The following CIC variants were observed in gnomAD, a reference collection of about 807,000 sequenced individuals.
The protein encoded by CIC is protein capicua homolog.
In CIC, 18 loss-of-function variants were observed where a neutral mutation model predicts 115.7. That is an observed-to-expected ratio of 0.16 (90% CI 0.11 to 0.23). The LOEUF is 0.23. Among genes scored for constraint, CIC ranks in the 10% least tolerant of loss-of-function variants. The pLI, the probability that CIC is intolerant of heterozygous loss-of-function variation, is 1.00. For synonymous variants in CIC, 1,076 were observed against 923.0 expected, an observed-to-expected ratio of 1.17 and a Z score of -3.01; for missense variants, 2,000 against 2,159.3, an observed-to-expected ratio of 0.93 and a Z score of 1.46.
chr19:42,286,826 C>T lies in CIC; in HGVS notation c.2850C>T (p.Val950=). ...SVAVFPWHSL[V]PFLAPSQPDP... ...CTGTGTTCCCTTGGCACTCCTTAGTCCCCTTCCTGGCACCCAGCCAGCCTG... is the reference window on the plus strand; with the variant it reads ...CTGTGTTCCCTTGGCACTCCTTAGTTCCCTTCCTGGCACCCAGCCAGCCTG... Residue 950 remains valine, a synonymous_variant, in exon 3 of 21, where the codon GTC becomes GTT. Transcript: ENST00000681038. The T allele has an allele frequency of 1.9e-6, 3 of 1,613,974 alleles. No homozygotes were observed. Among genetic ancestry groups the T allele is most frequent in the Non-Finnish European group, 2.5e-6 (3 of 1,179,986 alleles).
chr19:42,278,181 C>T (rs1011022215), intron 2 of CIC, among the ~76,000 whole-genome samples: 1 of 152,232 alleles, frequency 6.6e-6, no homozygotes, highest in Non-Finnish European at 1.5e-5. Flanking sequence ...AGCCAGCTGC[C>T]GTTGCCACCT....
chr19:42,294,419 A>C, intron 19 of CIC, 115 bp downstream of exon 19: 1 of 1,556,324 alleles, frequency 6.4e-7, no homozygotes, highest in South Asian at 1.1e-5. Context: ...GGGAGGAAGC[A>C]CAGCCTGTCA....
rs1187729112 is a variant in CIC at position 42,286,920 on chromosome 19, G to A, written c.2944G>A (p.Glu982Lys). 1.2e-6 allele frequency: 2 copies of A among 1,610,516 alleles called. No homozygotes were observed. The highest frequency in any genetic ancestry group is 1.1e-5 in the South Asian group (1 of 91,074). The change falls in exon 3 of 21, where the codon GAA becomes AAA. Residue 982 changes from glutamate to lysine, a missense_variant and splice_region_variant. Around this residue, in one of 8 missense-constraint regions of CIC, gnomAD observed 222 missense variants for 247.7 expected, o/e 0.90. Coordinates refer to ENST00000681038, the MANE Select transcript of CIC (RefSeq NM_001386298.1). Reference protein sequence around the residue: ...SHPVASNQSKEPAESAAVAHE... With the variant: ...SHPVASNQSKKPAESAAVAHE... ...CCCAGTGGCCTCCAACCAGAGCAAA[G>A]GTGAGGGCTGGTGGGGACTGGGGGG...
intron 16 of CIC, 36 bp from the exon 17 acceptor site, chr19:42,293,556 C>T: frequency 6.2e-7 from 1 of 1,613,502 alleles, no homozygotes; most frequent in Non-Finnish European, 8.5e-7. Flanking sequence ...AGTCTGAGCT[C>T]AGTGTTCGCC....
chr19:42,285,729 C>T (rs899303848), intron 2 of CIC, among the ~76,000 whole-genome samples: 1 of 152,170 alleles, frequency 6.6e-6, no homozygotes, highest in African/African-American at 2.4e-5. Context: ...TCCACTTCCC[C>T]CAGGGAGCCA....
At chr19:42,291,831 T>G in intron 12 of CIC, 86 bp downstream of exon 12, 1 of 1,520,036 alleles carries the variant, frequency 6.6e-7, no homozygotes. Flanking sequence ...TCTTTTCTCC[T>G]TCTCCATGTA....
At chr19:42,269,422 C>T (rs1023029370) in intron 1 of CIC, 41 bp downstream of exon 1, 1 of 14,566 alleles carries the variant, frequency 6.9e-5, no homozygotes, top group African/African-American at 2.6e-4. Context: ...AAGGGGGGTC[C>T]GGGGGGCTGG....
chr19:42,293,807 C>T lies in CIC; in HGVS notation c.6738C>T (p.Pro2246=), dbSNP rs113357398. Reference sequence around the variant, plus strand: ...AGAAGGTGAAGGTGCGGCCCCCGCCCCTGAAGAAGACCTTTGACTCTGTGG... The same window carrying T: ...AGAAGGTGAAGGTGCGGCCCCCGCCTCTGAAGAAGACCTTTGACTCTGTGG... ...TGKKVKVRPP[P]LKKTFDSVDN... Residue 2246 remains proline (P), a synonymous_variant, in exon 17 of 21, where the codon CCC becomes CCT. Transcript: ENST00000681038. The T allele has an allele frequency of 2.5e-6, 4 of 1,612,404 alleles. No individual in the cohort carries two copies. The highest frequency in any genetic ancestry group is 3.4e-6 in the Non-Finnish European group (4 of 1,179,374).
In CIC at chr19:42,291,054, CCTA is replaced by C; in HGVS notation, c.5016_5018del (p.Leu1673del). 2.5e-6 allele frequency: 4 copies of C among 1,613,990 alleles called. No individual in the cohort carries two copies. The South Asian group carries it at 3.3e-5, about 13-fold the overall frequency. On this transcript the variant is annotated inframe_deletion, in exon 11 of 21. Transcript: ENST00000681038. ...GGAAGGCGCCTGCCACTGTCACTAA[CCTA>C]CTGGTGGGCACCCCGGGGTATGGGG...
At chr19:42,278,825 T>C (rs1028057432) in intron 2 of CIC, among the ~76,000 whole-genome samples, 1 of 152,210 alleles carries the variant, frequency 6.6e-6, no homozygotes, top group Non-Finnish European at 1.5e-5. Flanking sequence ...AACTGCCTAC[T>C]ACTGTCCCTG....
At chr19:42,282,225 C>CAGAG (rs1198455389) in intron 2 of CIC, among the ~76,000 whole-genome samples, 1 of 152,224 alleles carries the variant, frequency 6.6e-6, no homozygotes, top group East Asian at 1.9e-4. Flanking sequence ...CTCTGGAGGT[C>CAGAG]AGAGGGCTAC....
chr19:42,281,226 C>T (rs1175027906), intron 2 of CIC, among the ~76,000 whole-genome samples: 2 of 152,134 alleles, frequency 1.3e-5, no homozygotes, highest in Non-Finnish European at 2.9e-5. Context: ...GCCTGGAGAG[C>T]AGGGTGGGGA....
At chr19:42,288,042 G>A in intron 7 of CIC, 67 bp downstream of exon 7, 1 of 1,528,234 alleles carries the variant, frequency 6.5e-7, no homozygotes, top group Non-Finnish European at 8.9e-7. Flanking sequence ...CTACCCCCTT[G>A]CTTGCTCCTC....
chr19:42,291,373 G>T lies in CIC; in HGVS notation c.5332G>T (p.Gly1778Cys). 5.0e-6 allele frequency: 8 copies of T among 1,612,452 alleles called. No homozygotes were observed. Among genetic ancestry groups the T allele is most frequent in the Non-Finnish European group, 6.8e-6 (8 of 1,179,716 alleles). ...CAGCATCCGTTTCACCCTCCCACCG[G>T]GCACTTCCACCAACGGCAAAGTCCT... ...TTSIRFTLPP[G>C]TSTNGKVLAA... Residue 1778 changes from glycine to cysteine, a missense_variant, in exon 11 of 21, where the codon GGC becomes TGC. Around this residue, in one of 8 missense-constraint regions of CIC, gnomAD observed 1,466 missense variants for 1,390.4 expected, o/e 1.05. Transcript: ENST00000681038.
rs905010810 is a variant in CIC at position 42,273,424 on chromosome 19, G to A, written c.1641G>A (p.Ala547=). Residue 547 remains alanine (A), a synonymous_variant, in exon 2 of 21, where the codon GCG becomes GCA. Coordinates refer to ENST00000681038, the MANE Select transcript of CIC (RefSeq NM_001386298.1). ...GGCCTGGCGGGGCGGGCCGGCCCGC[G>A]GCCGTGGCAGCCCGTGAGGGCAGCA... ...DSGPGGAGRP[A]AVAAREGSTE... The A allele has an allele frequency of 1.3e-5, 5 of 398,274 alleles. No individual in the cohort carries two copies. Among genetic ancestry groups the A allele is most frequent in the East Asian group, 3.6e-5 (1 of 28,050 alleles). 24.7% of individuals were successfully genotyped at this position (398,274 alleles called of 1,614,324 possible). A position where few individuals can be genotyped will look rare whatever the true frequency, so the allele number is the denominator to read the frequency against.
rs1402840718 is a variant in CIC at position 42,289,423 on chromosome 19, C to T, written c.4087+17C>T. Reference sequence around the variant, plus strand: ...ATGTCATTGGTGAGCATTGCAGGGCCCAGAATCTTGCCCAGGACCCAGCAG... The same window carrying T: ...ATGTCATTGGTGAGCATTGCAGGGCTCAGAATCTTGCCCAGGACCCAGCAG... On this transcript the variant is annotated intron_variant, in intron 9 of 20. Transcript: ENST00000681038. The T allele has an allele frequency of 1.3e-6, 2 of 1,558,924 alleles. No individual in the cohort carries two copies. The highest frequency in any genetic ancestry group is 2.3e-5 in the South Asian group (2 of 85,648).
intron 9 of CIC, among the ~76,000 whole-genome samples, chr19:42,289,646 G>A (rs1030158054): frequency 6.6e-6 from 1 of 152,198 alleles, no homozygotes; most frequent in Non-Finnish European, 1.5e-5. Flanking sequence ...CAGTGTTAGG[G>A]GCTCTGTCCT....
rs1303796994 is a variant in CIC at position 42,274,298 on chromosome 19, C to T, written c.2515C>T (p.Pro839Ser). 4 of 398,662 alleles carry T rather than the reference C, an allele frequency of 1.0e-5. No homozygotes were observed. In the Admixed American group the frequency reaches 1.8e-4, roughly 18 times the overall value. The allele number at this position is 398,662 out of a possible 1,614,324, so 24.7% of individuals were successfully genotyped here. A position where few individuals can be genotyped will look rare whatever the true frequency, so the allele number is the denominator to read the frequency against. The change falls in exon 2 of 21, where the codon CCT becomes TCT. Residue 839 changes from proline (P) to serine (S), a missense_variant. Physicochemically the swap from Pro to Ser is moderately conservative, Grantham distance 74 (BLOSUM62 -1). This residue lies in a region of CIC where 222 missense variants were observed against 247.7 expected (regional missense o/e 0.90). Coordinates refer to ENST00000681038, the MANE Select transcript of CIC (RefSeq NM_001386298.1). ...GTAGEVRAGG[P>S]GRGCRETPVP... ...TGCTGGTGAGGTGCGGGCTGGGGGA[C>T]CTGGGCGGGGCTGCCGTGAAACCCC...
rs892620540 is a variant in CIC, at chr19:42,290,333, T to C, written c.4292T>C (p.Val1431Ala). 7.4e-6 allele frequency: 12 copies of C among 1,613,982 alleles called. No homozygotes were observed. Among genetic ancestry groups the C allele is most frequent in the African/African-American group, 1.3e-5 (1 of 74,884 alleles). ...PEPPGPPDPP[V>A]AFGKGYGSAP... ...CCCCCAGGGCCCCCGGATCCTCCTG[T>C]AGCCTTTGGCAAAGGCTATGGTTCC... Residue 1431 changes from valine (V) to alanine (A), a missense_variant, in exon 11 of 21, where the codon GTA (valine) becomes GCA (alanine). By Grantham distance (64) the Val-to-Ala change is moderately conservative. Coordinates refer to ENST00000681038, the MANE Select transcript of CIC (RefSeq NM_001386298.1).
Sources: gnomAD v4.1 joint callset for allele counts (sites outside exome capture counted in the v4.1 genomes callset) on GRCh38, gnomAD v4.1.1 for gene constraint, gnomAD v4.1.1 regional missense constraint, MANE v1.5 for transcripts, NCBI Gene and HGNC (gene_info 2026-07-23, HGNC 2026-07-21) for gene names.